Variants in ZNF652 observed in about 807,000 individuals in gnomAD.
The protein encoded by ZNF652 is zinc finger protein 652.
ZNF652 carries 16 observed loss-of-function variants against 45.2 expected under a neutral mutation model. That is an observed-to-expected ratio of 0.35 (90% CI 0.24 to 0.54). The LOEUF is 0.54. Among genes scored for constraint, ZNF652 ranks in the 20% least tolerant of loss-of-function variants. ZNF652 has a pLI of 0.91. For missense variants in ZNF652, 614 were observed against 765.6 expected, an observed-to-expected ratio of 0.80 and a Z score of 2.34; for synonymous variants, 250 against 260.6, an observed-to-expected ratio of 0.96 and a Z score of 0.39.
At chr17:49,309,575 C>T (rs1475494165) in intron 5 of ZNF652, among the ~76,000 whole-genome samples, 59 of 151,610 alleles carry the variant, frequency 3.9e-4, no homozygotes, top group Non-Finnish European at 1.0e-4. Context: ...TCCATGTTTT[C>T]TTGCCGTATC....
At chr17:49,341,766 A>C (rs979936252) in intron 1 of ZNF652, among the ~76,000 whole-genome samples, 2 of 152,232 alleles carry the variant, frequency 1.3e-5, no homozygotes, top group African/African-American at 4.8e-5. Context: ...TCATTCCGTA[A>C]TTAAAACACA....
chr17:49,313,997 A>G (rs1357080907), intron 2 of ZNF652, among the ~76,000 whole-genome samples: 4 of 142,956 alleles, frequency 2.8e-5, no homozygotes, highest in East Asian at 4.1e-4. Context: ...AAAAAAAAAA[A>G]AAAAAAAAAA....
intron 2 of ZNF652, among the ~76,000 whole-genome samples, chr17:49,313,877 G>A (rs2069754275): frequency 6.8e-6 from 1 of 146,174 alleles, no homozygotes; most frequent in African/African-American, 2.5e-5. Flanking sequence ...GGAGGCTGAG[G>A]CAGGAGAATC....
intron 1 of ZNF652, among the ~76,000 whole-genome samples, chr17:49,320,025 TTTGA>T (rs2069868967): frequency 6.6e-6 from 1 of 152,196 alleles, no homozygotes; most frequent in South Asian, 2.1e-4. Context: ...TTCTACATAA[TTTGA>T]TTATGTTTCT....
At chr17:49,343,619 C>T (rs574496064) in intron 1 of ZNF652, among the ~76,000 whole-genome samples, 10 of 151,636 alleles carry the variant, frequency 6.6e-5, no homozygotes, top group African/African-American at 1.9e-4. Context: ...CCTTAATAAA[C>T]GTTTTGTTTT....
chr17:49,348,544 ACCCCCGC>A, intron 1 of ZNF652, among the ~76,000 whole-genome samples: 2 of 115,578 alleles, frequency 1.7e-5, no homozygotes, highest in African/African-American at 3.5e-5. Context: ...GAAAAGAAAA[ACCCCCGC>A]AAGGAGAGGA....
At chr17:49,351,030 C>CTGT (rs1567700369) in intron 1 of ZNF652, among the ~76,000 whole-genome samples, 67 of 109,250 alleles carry the variant, frequency 6.1e-4, no homozygotes, top group African/African-American at 1.5e-3. Flanking sequence ...CACACACACA[C>CTGT]ACACACACAC....
intron 1 of ZNF652, among the ~76,000 whole-genome samples, chr17:49,361,581 C>G (rs2070394870): frequency 6.6e-6 from 1 of 152,178 alleles, no homozygotes; most frequent in Admixed American, 6.5e-5. Flanking sequence ...TCCTCTCGGC[C>G]CGCTAACCCG....
intron 2 of ZNF652, 76 bp downstream of exon 2, chr17:49,316,750 C>T (rs1254800211): frequency 5.7e-5 from 82 of 1,447,112 alleles, no homozygotes; most frequent in Non-Finnish European, 7.4e-5. Context: ...CATTTATTCT[C>T]TTGGGCGGAT....
chr17:49,311,452 C>G lies in ZNF652; in HGVS notation c.1169G>C (p.Cys390Ser), dbSNP rs1337676025. ...SGEKPFRCEN[C>S]DERFQYKYQL... ...GTACTTGTACTGAAACCTTTCGTCA[C>G]AGTTCTGCATTGGATACAGTGGAGA... Residue 390 changes from cysteine to serine, a missense_variant, in exon 5 of 6, where the codon TGT becomes TCT. Cys to Ser is a moderately radical substitution (Grantham distance 112, BLOSUM62 -1). Around this residue, in one of 5 missense-constraint regions of ZNF652, gnomAD observed 81 missense variants for 167.0 expected, o/e 0.48. Transcript: ENST00000430262. 1 of 1,613,974 alleles carries G rather than the reference C, an allele frequency of 6.2e-7. No individual in the cohort carries two copies. Among genetic ancestry groups the G allele is most frequent in the Non-Finnish European group, 8.5e-7 (1 of 1,179,904 alleles).
In ZNF652 at chr17:49,289,570, T is replaced by C. The variant is rs1165589326; in HGVS notation, c.*8843A>G. The stretch of plus-strand genomic sequence containing the variant: ...CGGGCAGCATGGGCTCCTTTGGAGA[T>C]TCAGGAGCGGAGCTCAGTTCCACCT... On this transcript the variant is annotated 3_prime_UTR_variant, in exon 6 of 6. Coordinates refer to ENST00000430262, the MANE Select transcript of ZNF652 (RefSeq NM_001145365.3). 1.3e-5 allele frequency: 2 copies of C among 152,224 alleles called. No individual in the cohort carries two copies. Among genetic ancestry groups the C allele is most frequent in the Non-Finnish European group, 2.9e-5 (2 of 68,050 alleles). The allele number at this position is 152,224 out of a possible 1,614,324, so 9.4% of individuals were successfully genotyped here. A position where few individuals can be genotyped will look rare whatever the true frequency, so the allele number is the denominator to read the frequency against.
rs1267756838 is a variant in ZNF652 at position 49,317,904 on chromosome 17, A to T, written c.-179T>A. The stretch of plus-strand genomic sequence containing the variant: ...TGCAGCACCAAAGCATGAGTCAAAA[A>T]GGTTTGGTATTATGGCAAGAGCAGA... On this transcript the variant is annotated 5_prime_UTR_variant, in exon 2 of 6. Transcript: ENST00000430262. 1 of 688,862 alleles carries T rather than the reference A, an allele frequency of 1.5e-6. No individual in the cohort carries two copies. The highest frequency in any genetic ancestry group is 2.2e-6 in the Non-Finnish European group (1 of 445,816). 42.7% of individuals were successfully genotyped at this position (688,862 alleles called of 1,614,324 possible).
intron 1 of ZNF652, among the ~76,000 whole-genome samples, chr17:49,327,726 AATAAATATATATATAT>A (rs2069970742): frequency 2.5e-4 from 19 of 76,004 alleles, no homozygotes; most frequent in East Asian, 3.8e-4. Flanking sequence ...CTTTTAAATA[AATAAATATATATATAT>A]ATATATATAT....
intron 1 of ZNF652, among the ~76,000 whole-genome samples, chr17:49,342,217 A>G (rs1326167802): frequency 6.6e-6 from 1 of 152,110 alleles, no homozygotes; most frequent in Non-Finnish European, 1.5e-5. Context: ...TCTCAAATCT[A>G]AAGTATTTTT....
chr17:49,333,138 A>G (rs1053492231), intron 1 of ZNF652, among the ~76,000 whole-genome samples: 28 of 151,644 alleles, frequency 1.8e-4, no homozygotes, highest in African/African-American at 6.3e-4. Context: ...GCTCACTGCA[A>G]GCTCCGTCTC....
At chr17:49,308,856 TAGAAGAAACAAG>T (rs1347488545) in intron 5 of ZNF652, among the ~76,000 whole-genome samples, 1 of 151,720 alleles carries the variant, frequency 6.6e-6, no homozygotes, top group East Asian at 1.9e-4. Flanking sequence ...TGTATTCCTT[TAGAAGAAACAAG>T]AAGTATTCAG....
chr17:49,317,291 A>G lies in ZNF652; in HGVS notation c.435T>C (p.Pro145=). The part of the protein sequence containing the change: ...KGVSSQSKET[P]VLKTSSEEEE... ...CCTCCTCACTGCTTGTCTTAAGAAC[A>G]GGAGTCTCTTTGGACTGAGAAGAGA... The change falls in exon 2 of 6, where the codon CCT becomes CCC. Residue 145 remains proline (P), a synonymous_variant. Coordinates refer to ENST00000430262, the MANE Select transcript of ZNF652 (RefSeq NM_001145365.3). 2.5e-6 allele frequency: 4 copies of G among 1,612,946 alleles called. No individual in the cohort carries two copies. Among genetic ancestry groups the G allele is most frequent in the Non-Finnish European group, 3.4e-6 (4 of 1,180,024 alleles).
intron 2 of ZNF652, among the ~76,000 whole-genome samples, chr17:49,313,910 T>C (rs1289497859): frequency 2.4e-5 from 3 of 122,682 alleles, no homozygotes; most frequent in African/African-American, 9.5e-5. Context: ...AGGTGGAGGT[T>C]GCAGTGAGCC....
At chr17:49,311,211 A>C in intron 5 of ZNF652, 101 bp downstream of exon 5, 1 of 1,285,574 alleles carries the variant, frequency 7.8e-7, no homozygotes, top group Non-Finnish European at 1.1e-6. Flanking sequence ...TTTTGCTTTG[A>C]ATGCAAATTT....
Sources: allele counts gnomAD v4.1 joint callset (sites outside exome capture counted in the v4.1 genomes callset), GRCh38; gene constraint gnomAD v4.1.1; regional missense constraint gnomAD v4.1.1; transcripts MANE v1.5; gene names NCBI Gene and HGNC (gene_info 2026-07-23, HGNC 2026-07-21).